Variants in HMCN1 observed in about 807,000 individuals in gnomAD.
HMCN1 encodes the protein hemicentin-1.
Under a neutral mutation model 625.9 loss-of-function variants are expected in HMCN1, and 321 were observed. The ratio of observed to expected loss-of-function variants is 0.51; its 90% confidence interval spans 0.47 to 0.56. HMCN1 has a LOEUF of 0.56. Ranked by LOEUF, HMCN1 falls within the 20% of genes least tolerant of loss-of-function variation. HMCN1 has a pLI of 0.00. For synonymous variants in HMCN1, 2,425 were observed against 2,417.6 expected, an observed-to-expected ratio of 1.00 and a Z score of -0.09; for missense variants, 6,588 against 6,887.3, an observed-to-expected ratio of 0.96 and a Z score of 1.54.
chr1:186,000,439 A>AT (rs1231313164), intron 26 of HMCN1, among the ~76,000 whole-genome samples, 200 bp downstream of exon 26: 1 of 151,940 alleles, frequency 6.6e-6, no homozygotes, highest in African/African-American at 2.4e-5. Context: ...ATCATTCAAA[A>AT]TTCAAATGGT....
chr1:186,011,296 C>A (rs1653986709), intron 30 of HMCN1, among the ~76,000 whole-genome samples: 1 of 152,178 alleles, frequency 6.6e-6, no homozygotes, highest in Admixed American at 6.5e-5. Context: ...CCGCCCACCT[C>A]AGCCTGCCAA....
At chr1:185,772,536 A>C (rs952764681) in intron 1 of HMCN1, among the ~76,000 whole-genome samples, 1 of 152,172 alleles carries the variant, frequency 6.6e-6, no homozygotes, top group African/African-American at 2.4e-5. Flanking sequence ...GGGCCATTGA[A>C]TATCTAGACA....
chr1:186,154,903 A>C (rs1231288795), intron 97 of HMCN1, among the ~76,000 whole-genome samples: 1 of 152,202 alleles, frequency 6.6e-6, no homozygotes, highest in African/African-American at 2.4e-5. Context: ...CACCACGGCA[A>C]TTAACATTCC....
intron 4 of HMCN1, among the ~76,000 whole-genome samples, chr1:185,891,307 T>C (rs1665063380): frequency 7.0e-6 from 1 of 142,712 alleles, no homozygotes; most frequent in Non-Finnish European, 1.5e-5. Context: ...TTTAGTCCAT[T>C]TACATTTAAA....
At chr1:185,909,619 A>G (rs1009533233) in intron 5 of HMCN1, 111 bp downstream of exon 5, 13 of 962,394 alleles carry the variant, frequency 1.4e-5, no homozygotes, top group Admixed American at 8.0e-5. Flanking sequence ...TAAATTCAAT[A>G]AATTCAGAAG....
chr1:185,986,749 T>A (rs1373854342), intron 19 of HMCN1, among the ~76,000 whole-genome samples: 1 of 151,372 alleles, frequency 6.6e-6, no homozygotes, highest in African/African-American at 2.4e-5. Flanking sequence ...TCCCAGCACT[T>A]TGGGAGGCTG....
At chr1:185,992,859 A>G (rs1015290213) in intron 22 of HMCN1, among the ~76,000 whole-genome samples, 12 of 152,194 alleles carry the variant, frequency 7.9e-5, no homozygotes, top group Non-Finnish European at 1.8e-4. Context: ...ATTGTAGAAA[A>G]TAATAATAAA....
chr1:186,076,292 G>A, intron 53 of HMCN1, 136 bp from the exon 54 acceptor site: 1 of 871,164 alleles, frequency 1.1e-6, no homozygotes. Flanking sequence ...GCTAGAGTTG[G>A]TGGTGGCGTC....
intron 6 of HMCN1, among the ~76,000 whole-genome samples, chr1:185,916,793 G>A (rs1666725775): frequency 6.6e-6 from 1 of 152,130 alleles, no homozygotes; most frequent in African/African-American, 2.4e-5. Flanking sequence ...CTAATGTTCT[G>A]TGTTCCATGG....
intron 2 of HMCN1, among the ~76,000 whole-genome samples, chr1:185,846,415 T>C (rs1224372904): frequency 6.6e-6 from 1 of 152,202 alleles, no homozygotes; most frequent in East Asian, 1.9e-4. Flanking sequence ...ATAAGTCTTT[T>C]TGCTTAGAAA....
At chr1:186,050,958 T>TGTA (rs1440776931) in intron 42 of HMCN1, among the ~76,000 whole-genome samples, 1 of 151,986 alleles carries the variant, frequency 6.6e-6, no homozygotes, top group East Asian at 1.9e-4. Flanking sequence ...GAAAAGCATA[T>TGTA]GAGACACGTT....
At chr1:186,181,278 A>G (rs1219904416) in intron 104 of HMCN1, among the ~76,000 whole-genome samples, 3 of 152,188 alleles carry the variant, frequency 2.0e-5, no homozygotes, top group African/African-American at 7.2e-5. Flanking sequence ...TTTTAATTTT[A>G]GTTAAAGCAA....
intron 105 of HMCN1, among the ~76,000 whole-genome samples, chr1:186,185,767 T>C (rs1191813889): frequency 6.6e-6 from 1 of 152,230 alleles, no homozygotes; most frequent in Non-Finnish European, 1.5e-5. Context: ...AATTATGTAC[T>C]ACTGTACAAT....
intron 4 of HMCN1, among the ~76,000 whole-genome samples, chr1:185,869,583 G>A (rs1178844468): frequency 6.7e-6 from 1 of 148,290 alleles, no homozygotes; most frequent in Non-Finnish European, 1.5e-5. Flanking sequence ...CACTGTGTGT[G>A]AAAAAAAAAT....
chr1:186,159,514 G>A lies in HMCN1; in HGVS notation c.15256+5527G>A, dbSNP rs542119013. 1.4e-3 allele frequency among the ~76,000 whole-genome samples: 216 copies of A among 152,292 alleles called. 1 individual carries two copies. The highest frequency in any genetic ancestry group is 4.8e-3 in the Admixed American group (74 of 15,298). ...TCTTGTGCCAGTTTTCAAAGGGAAT[G>A]CTTCCAGTTTTTGTCCATTCAGTAT... On this transcript the variant is annotated intron_variant, in intron 97 of 106. Coordinates refer to ENST00000271588, the MANE Select transcript of HMCN1 (RefSeq NM_031935.3).
rs766032180 is a variant in HMCN1 at position 186,039,843 on chromosome 1, T to C, written c.6144T>C (p.Asp2048=). ...IPAPSLTWLK[D]GSPVSSFSNG... is the part of the protein sequence containing the mutation. ...CCCCAAGTCTGACCTGGTTGAAAGA[T>C]GGGAGTCCTGTTTCTAGTTTTTCTA... is the stretch of plus-strand genomic sequence containing the variant. The change falls in exon 39 of 107, where the codon GAT becomes GAC. Residue 2048 remains aspartate, a synonymous_variant. Coordinates refer to ENST00000271588, the MANE Select transcript of HMCN1 (RefSeq NM_031935.3). 6.2e-7 allele frequency: 1 copy of C among 1,613,514 alleles called. No individual in the cohort carries two copies. Among genetic ancestry groups the C allele is most frequent in the Non-Finnish European group, 8.5e-7 (1 of 1,179,612 alleles).
chr1:186,115,011 G>A (rs1661064563), intron 74 of HMCN1, 65 bp downstream of exon 74: 9 of 1,604,462 alleles, frequency 5.6e-6, no homozygotes, highest in Non-Finnish European at 6.0e-6. Flanking sequence ...GCCTAAACTA[G>A]TGAGGTCATA....
At chr1:185,795,029 G>A (rs1658271659) in intron 1 of HMCN1, among the ~76,000 whole-genome samples, 1 of 152,072 alleles carries the variant, frequency 6.6e-6, no homozygotes, top group Admixed American at 6.5e-5. Context: ...TAGAAGTCTT[G>A]GTTTTCCATT....
intron 74 of HMCN1, 100 bp downstream of exon 74, chr1:186,115,046 T>G: frequency 6.5e-7 from 1 of 1,542,780 alleles, no homozygotes; most frequent in Non-Finnish European, 9.0e-7. Flanking sequence ...GAAGGCTAGT[T>G]AAGCAATTTA....
Sources: allele counts gnomAD v4.1 joint callset (sites outside exome capture counted in the v4.1 genomes callset), GRCh38; gene constraint gnomAD v4.1.1; transcripts MANE v1.5; gene names NCBI Gene and HGNC (gene_info 2026-07-23, HGNC 2026-07-21).